The following CPNE4 variants were observed in gnomAD, a reference collection of about 807,000 sequenced individuals.
CPNE4 encodes copine-4.
A neutral mutation model predicts 67.9 loss-of-function variants in CPNE4; 25 were observed. The observed-to-expected ratio is 0.37, with a 90% CI of 0.27 to 0.51. The LOEUF is 0.51. CPNE4 is among the 20% of genes least tolerant of loss of function. The pLI, the probability that CPNE4 is intolerant of heterozygous loss-of-function variation, is 0.93. For synonymous variants in CPNE4, 242 were observed against 244.9 expected (o/e 0.99, Z 0.11); for missense variants, 464 against 690.8 (o/e 0.67, Z 3.68).
chr3:131,554,886 A>G (rs1190954645), intron 12 of CPNE4, among the ~76,000 whole-genome samples: 2 of 152,076 alleles, frequency 1.3e-5, no homozygotes, highest in Non-Finnish European at 2.9e-5. Flanking sequence ...CATCTAGAAT[A>G]TCACAGTAGT....
intron 2 of CPNE4, among the ~76,000 whole-genome samples, chr3:131,837,967 GA>G (rs2108011339): frequency 6.6e-6 from 1 of 151,964 alleles, no homozygotes; most frequent in South Asian, 2.1e-4. Flanking sequence ...TAAGTTTACA[GA>G]GTTGCAAAAC....
chr3:131,588,888 C>G (rs976812513), intron 7 of CPNE4, among the ~76,000 whole-genome samples: 6 of 152,174 alleles, frequency 3.9e-5, no homozygotes, highest in African/African-American at 1.4e-4. Context: ...AGTCTCCCAG[C>G]TTGTCTCCTT....
chr3:131,676,308 T>G (rs1336933383), intron 6 of CPNE4, among the ~76,000 whole-genome samples: 1 of 152,022 alleles, frequency 6.6e-6, no homozygotes, highest in Non-Finnish European at 1.5e-5. Flanking sequence ...ATCTGCCTGC[T>G]TTGGCCCCCC....
chr3:131,931,642 C>T (rs749510124), intron 1 of CPNE4, among the ~76,000 whole-genome samples: 14 of 152,020 alleles, frequency 9.2e-5, no homozygotes, highest in Non-Finnish European at 1.8e-4. Flanking sequence ...ATGTCCCCTC[C>T]CCCATTTCAT....
intron 9 of CPNE4, among the ~76,000 whole-genome samples, chr3:131,578,949 C>A (rs1424233837): frequency 1.3e-5 from 2 of 152,172 alleles, no homozygotes; most frequent in Non-Finnish European, 2.9e-5. Flanking sequence ...CACAATTTAT[C>A]CAGAAGATCC....
At chr3:131,885,156 C>A (rs2087829666) in intron 2 of CPNE4, among the ~76,000 whole-genome samples, 3 of 152,196 alleles carry the variant, frequency 2.0e-5, no homozygotes, top group Middle Eastern at 3.4e-3. Context: ...GTGATAGGAA[C>A]AATAAGGTCC....
At chr3:131,863,396 C>G (rs1050134620) in intron 2 of CPNE4, among the ~76,000 whole-genome samples, 3 of 152,142 alleles carry the variant, frequency 2.0e-5, no homozygotes, top group Admixed American at 6.5e-5. Flanking sequence ...TTAATGATCG[C>G]CATTCTAACT....
rs1448752286 is a variant in CPNE4 at position 131,644,363 on chromosome 3, G to A, written c.681+25312C>T. On this transcript the variant is annotated intron_variant, in intron 7 of 15. Coordinates refer to ENST00000429747, the MANE Select transcript of CPNE4 (RefSeq NM_130808.3). Reference sequence around the variant, plus strand: ...AGGGTTTCACCATGTTAACCAGGATGGTCTTGATCACCTGACCTCATGATC... The same window carrying A: ...AGGGTTTCACCATGTTAACCAGGATAGTCTTGATCACCTGACCTCATGATC... Among the ~76,000 whole-genome samples, 5 of 152,092 alleles carry A rather than the reference G, an allele frequency of 3.3e-5. No individual in the cohort carries two copies. The East Asian group carries it at 9.7e-4, about 30-fold the overall frequency.
chr3:131,969,170 C>T (rs2072437246), intron 1 of CPNE4, among the ~76,000 whole-genome samples: 1 of 151,862 alleles, frequency 6.6e-6, no homozygotes, highest in Non-Finnish European at 1.5e-5. Flanking sequence ...AACACATGGA[C>T]ACAGGAAGGG....
At chr3:131,849,163 G>A (rs965495662) in intron 2 of CPNE4, among the ~76,000 whole-genome samples, 3 of 152,028 alleles carry the variant, frequency 2.0e-5, no homozygotes, top group Non-Finnish European at 2.9e-5. Flanking sequence ...GATCCTCTCA[G>A]TACAAGTACA....
intron 2 of CPNE4, among the ~76,000 whole-genome samples, chr3:131,835,116 G>C (rs950761721): frequency 6.6e-6 from 1 of 152,178 alleles, no homozygotes; most frequent in African/African-American, 2.4e-5. Flanking sequence ...CAAAAAGATG[G>C]TTGGGCTAGT....
intron 2 of CPNE4, among the ~76,000 whole-genome samples, chr3:131,885,128 T>G (rs9874818): frequency 6.6e-6 from 1 of 151,966 alleles, no homozygotes; most frequent in Non-Finnish European, 1.5e-5. Flanking sequence ...TTGAATGGCT[T>G]TGACAAAAAT....
intron 6 of CPNE4, among the ~76,000 whole-genome samples, chr3:131,678,241 T>C (rs1477812667): frequency 6.6e-6 from 1 of 152,100 alleles, no homozygotes; most frequent in Non-Finnish European, 1.5e-5. Flanking sequence ...GGCTTGATTG[T>C]TGTTGGTGTA....
At chr3:131,933,283 C>T (rs574268066) in intron 1 of CPNE4, among the ~76,000 whole-genome samples, 19 of 151,996 alleles carry the variant, frequency 1.3e-4, no homozygotes, top group South Asian at 2.1e-4. Context: ...AGTCAGAAAA[C>T]GACAAAATCT....
intron 2 of CPNE4, among the ~76,000 whole-genome samples, chr3:131,735,319 A>G (rs1463365606): frequency 2.6e-5 from 4 of 152,206 alleles, no homozygotes; most frequent in African/African-American, 9.7e-5. Flanking sequence ...GAGCATTATC[A>G]TCAGACATTA....
chr3:131,900,893 T>C (rs991945570), intron 2 of CPNE4, among the ~76,000 whole-genome samples: 2 of 152,056 alleles, frequency 1.3e-5, no homozygotes, highest in African/African-American at 4.8e-5. Flanking sequence ...CCATATGGAA[T>C]TGATCCAAAG....
At chr3:131,651,846 G>T (rs148739001) in intron 7 of CPNE4, among the ~76,000 whole-genome samples, 1 of 152,026 alleles carries the variant, frequency 6.6e-6, no homozygotes, top group Admixed American at 6.6e-5. Flanking sequence ...GTGTGGTCCC[G>T]GGGAAGTAAT....
chr3:131,929,817 C>T (rs904124982), intron 1 of CPNE4, among the ~76,000 whole-genome samples: 4 of 152,146 alleles, frequency 2.6e-5, no homozygotes, highest in African/African-American at 9.7e-5. Context: ...AGATGCAAAG[C>T]CTTACTGCTA....
Position 132,001,611 on chromosome 3 carries a change from G to GAAAGAAAGAA in CPNE4, c.-2+32955_-2+32956insTTCTTTCTTT, listed in dbSNP as rs1560766090. Among the ~76,000 whole-genome samples, 64 of 146,084 alleles carry GAAAGAAAGAA rather than the reference G, an allele frequency of 4.4e-4. No homozygotes were observed. The South Asian group carries it at 5.2e-3, about 12-fold the overall frequency. ...AGAAAGAAAGAAAGAAAGAAAGAAA[G>GAAAGAAAGAA]AAAGAAAATGAAGAGGAAGAGGAGA... On this transcript the variant is annotated intron_variant, in intron 1 of 15. Coordinates refer to ENST00000429747, the MANE Select transcript of CPNE4 (RefSeq NM_130808.3).
Sources: allele counts gnomAD v4.1 joint callset (sites outside exome capture counted in the v4.1 genomes callset), GRCh38; gene constraint gnomAD v4.1.1; transcripts MANE v1.5; gene names NCBI Gene and HGNC (gene_info 2026-07-23, HGNC 2026-07-21).